The following TTBK2 variants were observed in gnomAD, a reference collection of about 807,000 sequenced individuals.
The protein encoded by TTBK2 is tau-tubulin kinase 2.
Under a neutral mutation model 110.8 loss-of-function variants are expected in TTBK2, and 28 were observed. That is an observed-to-expected ratio of 0.25 (90% confidence interval 0.19 to 0.35). TTBK2 has a LOEUF of 0.35. Among genes scored for constraint, TTBK2 ranks in the 10% least tolerant of loss-of-function variants. The pLI is 1.00. For missense variants in TTBK2, 1,369 were observed against 1,500.3 expected, an observed-to-expected ratio of 0.91 and a Z score of 1.45; for synonymous variants, 532 against 527.3, an observed-to-expected ratio of 1.01 and a Z score of -0.12.
chr15:42,794,650 G>A lies in TTBK2; in HGVS notation c.974C>T (p.Ala325Val). 6.2e-7 allele frequency: 1 copy of A among 1,614,122 alleles called. No individual in the cohort carries two copies. Among genetic ancestry groups the A allele is most frequent in the Non-Finnish European group, 8.5e-7 (1 of 1,180,024 alleles). ...TGATCTGTTTAGGACATACCCAATT[G>A]CAGCAGGGGTCAAGCGAGTGTGCAA... ...PQLHTRLTPA[A>V]IGIANATPIP... Residue 325 changes from alanine (A) to valine (V), a missense_variant, in exon 10 of 15, where the codon GCA becomes GTA. Physicochemically the swap from Ala to Val is moderately conservative, Grantham distance 64. Transcript: ENST00000267890.
At chr15:42,854,499 T>C (rs1893853266) in intron 3 of TTBK2, among the ~76,000 whole-genome samples, 2 of 152,154 alleles carry the variant, frequency 1.3e-5, no homozygotes, top group Non-Finnish European at 2.9e-5. Context: ...ATAACGTTGG[T>C]GAGGAAAAAC....
intron 10 of TTBK2, among the ~76,000 whole-genome samples, chr15:42,784,337 A>T (rs758742856): frequency 2.4e-4 from 37 of 151,934 alleles, no homozygotes; most frequent in Non-Finnish European, 4.7e-4. Flanking sequence ...GAGTGCAGTG[A>T]CGCGATCTCG....
At chr15:42,895,680 G>A (rs1895639896) in intron 1 of TTBK2, among the ~76,000 whole-genome samples, 1 of 152,028 alleles carries the variant, frequency 6.6e-6, no homozygotes, top group East Asian at 1.9e-4. Context: ...TGGGATTACA[G>A]GCGCCTGCCA....
chr15:42,842,929 T>C (rs1238704776), intron 3 of TTBK2, among the ~76,000 whole-genome samples: 1 of 152,150 alleles, frequency 6.6e-6, no homozygotes, highest in Non-Finnish European at 1.5e-5. Flanking sequence ...TGTTATCTAT[T>C]ACATTGTAGT....
At chr15:42,887,640 C>A (rs1241413204) in intron 1 of TTBK2, among the ~76,000 whole-genome samples, 3 of 152,164 alleles carry the variant, frequency 2.0e-5, no homozygotes. Flanking sequence ...ATTGTTTTGC[C>A]TATCCACCCT....
At chr15:42,851,554 A>C (rs1893713378) in intron 3 of TTBK2, among the ~76,000 whole-genome samples, 1 of 152,220 alleles carries the variant, frequency 6.6e-6, no homozygotes, top group Admixed American at 6.5e-5. Context: ...AGTGAGTTGC[A>C]GAACAGCATA....
intron 14 of TTBK2, among the ~76,000 whole-genome samples, chr15:42,748,886 G>A (rs2061829816): frequency 6.6e-6 from 1 of 152,114 alleles, no homozygotes; most frequent in Admixed American, 6.6e-5. Flanking sequence ...ATCAGACCTA[G>A]GGAAATCTAT....
At chr15:42,799,823 T>A (rs973687433) in intron 9 of TTBK2, among the ~76,000 whole-genome samples, 1 of 152,148 alleles carries the variant, frequency 6.6e-6, no homozygotes, top group Admixed American at 6.5e-5. Context: ...CAGTCCATTT[T>A]AAATCTGATG....
chr15:42,814,122 A>G (rs1441703502), intron 7 of TTBK2, among the ~76,000 whole-genome samples: 2 of 151,940 alleles, frequency 1.3e-5, no homozygotes, highest in Non-Finnish European at 2.9e-5. Flanking sequence ...CCCAGGTTCC[A>G]GCAATTCTCC....
In TTBK2 at chr15:42,780,360, TA is replaced by T. The variant is rs368742458; in HGVS notation, c.1197+3058del. Among the ~76,000 whole-genome samples the T allele has an allele frequency of 4.4e-3, 658 of 149,390 alleles. 6 individuals carry two copies. The highest frequency in any genetic ancestry group is 5.8e-3 in the Non-Finnish European group (393 of 67,270). ...GTCATTCTTTTTCTTTTTTTTTTTTTAAAAGAAAGAATTAAAATTAGAAGAG... is the reference window on the plus strand; with the variant it reads ...GTCATTCTTTTTCTTTTTTTTTTTTTAAAGAAAGAATTAAAATTAGAAGAG... On this transcript the variant is annotated intron_variant, in intron 11 of 14. Coordinates refer to ENST00000267890, the MANE Select transcript of TTBK2 (RefSeq NM_173500.4).
At chr15:42,861,507 T>C (rs1301819541) in intron 3 of TTBK2, among the ~76,000 whole-genome samples, 1 of 151,894 alleles carries the variant, frequency 6.6e-6, no homozygotes, top group Non-Finnish European at 1.5e-5. Flanking sequence ...GTGTGAACAA[T>C]GAAATTAAGG....
intron 3 of TTBK2, among the ~76,000 whole-genome samples, chr15:42,860,793 GTGCACCACCA>G (rs901725863): frequency 1.3e-5 from 2 of 151,590 alleles, no homozygotes; most frequent in African/African-American, 4.8e-5. Context: ...AGCCTCCCAA[GTGCACCACCA>G]TGCCTGGCTA....
intron 11 of TTBK2, among the ~76,000 whole-genome samples, chr15:42,780,541 T>A (rs958262778): frequency 9.9e-5 from 15 of 151,890 alleles, no homozygotes. Flanking sequence ...AGAATTAGAA[T>A]GTTTAAATCC....
At chr15:42,762,732 T>C (rs1267699057) in intron 13 of TTBK2, among the ~76,000 whole-genome samples, 1 of 151,124 alleles carries the variant, frequency 6.6e-6, no homozygotes, top group South Asian at 2.1e-4. Context: ...AATAAATAAA[T>C]AAATAAATAA....
intron 13 of TTBK2, among the ~76,000 whole-genome samples, chr15:42,766,446 C>CAAAAAAAAAGAAA (rs1889378237): frequency 3.2e-5 from 1 of 30,860 alleles, no homozygotes; most frequent in African/African-American, 3.2e-4. Context: ...GAATGGAAAG[C>CAAAAAAAAAGAAA]AAAAAAAAAA....
intron 1 of TTBK2, among the ~76,000 whole-genome samples, chr15:42,879,712 A>G (rs536755401): frequency 6.6e-6 from 1 of 152,212 alleles, no homozygotes; most frequent in East Asian, 1.9e-4. Context: ...AGCAAAAAAA[A>G]CAGGCCAGGA....
intron 9 of TTBK2, among the ~76,000 whole-genome samples, chr15:42,796,784 A>T (rs1567028958): frequency 6.6e-6 from 1 of 152,256 alleles, no homozygotes; most frequent in Non-Finnish European, 1.5e-5. Context: ...TATTCATAAC[A>T]TTCCTAAAAA....
chr15:42,856,201 T>C (rs931361021), intron 3 of TTBK2, among the ~76,000 whole-genome samples: 26 of 152,178 alleles, frequency 1.7e-4, no homozygotes, highest in African/African-American at 5.8e-4. Flanking sequence ...ATGTAGGTGA[T>C]AAATTCTTCC....
At chr15:42,822,447 T>G (rs984655507) in intron 6 of TTBK2, among the ~76,000 whole-genome samples, 4 of 151,734 alleles carry the variant, frequency 2.6e-5, no homozygotes, top group African/African-American at 9.7e-5. Flanking sequence ...AAAGAAAAAA[T>G]AAACCGGGCC....
Sources: allele counts gnomAD v4.1 joint callset (sites outside exome capture counted in the v4.1 genomes callset), GRCh38; gene constraint gnomAD v4.1.1; transcripts MANE v1.5; gene names NCBI Gene and HGNC (gene_info 2026-07-23, HGNC 2026-07-21).